The following KCNJ6 variants were observed in gnomAD, a reference collection of about 807,000 sequenced individuals.
KCNJ6 encodes G protein-activated inward rectifier potassium channel 2.
In KCNJ6, 9 loss-of-function variants were observed where a neutral mutation model predicts 34.2. The observed-to-expected ratio is 0.26, with a 90% CI of 0.16 to 0.46. KCNJ6 has a LOEUF of 0.46. Among genes scored for constraint, KCNJ6 ranks in the 20% least tolerant of loss-of-function variants. The probability of loss-of-function intolerance (pLI) is 1.00; values close to 1 mark genes in which losing one functional copy is unlikely to be tolerated. For synonymous variants in KCNJ6, 196 were observed against 207.1 expected, an observed-to-expected ratio of 0.95 and a Z score of 0.46; for missense variants, 236 against 531.3, an observed-to-expected ratio of 0.44 and a Z score of 5.46.
chr21:37,791,724 G>A (rs939540328), intron 2 of KCNJ6, among the ~76,000 whole-genome samples: 2 of 152,178 alleles, frequency 1.3e-5, no homozygotes, highest in African/African-American at 4.8e-5. Flanking sequence ...AAATATGCCT[G>A]CCAGCATTGC....
chr21:37,801,260 C>T (rs974597385), intron 2 of KCNJ6, among the ~76,000 whole-genome samples: 1 of 152,126 alleles, frequency 6.6e-6, no homozygotes, highest in East Asian at 1.9e-4. Context: ...GTTTTGATAC[C>T]AGATGAACAT....
At chr21:37,749,077 C>T (rs903950201) in intron 2 of KCNJ6, among the ~76,000 whole-genome samples, 3 of 152,148 alleles carry the variant, frequency 2.0e-5, no homozygotes, top group African/African-American at 4.8e-5. Flanking sequence ...CACACCTATG[C>T]ATGCACACTT....
At chr21:37,721,245 A>C (rs1037845133) in intron 2 of KCNJ6, among the ~76,000 whole-genome samples, 1 of 152,238 alleles carries the variant, frequency 6.6e-6, no homozygotes, top group Non-Finnish European at 1.5e-5. Flanking sequence ...CACATCTATT[A>C]GATGGTTATT....
chr21:37,639,143 C>T (rs950842024), intron 3 of KCNJ6, among the ~76,000 whole-genome samples: 1 of 152,218 alleles, frequency 6.6e-6, no homozygotes, highest in Admixed American at 6.5e-5. Flanking sequence ...AAAATTCTAC[C>T]TAATAGAACA....
intron 1 of KCNJ6, among the ~76,000 whole-genome samples, chr21:37,854,527 T>C (rs1013476594): frequency 2.0e-5 from 3 of 152,202 alleles, no homozygotes; most frequent in Non-Finnish European, 4.4e-5. Flanking sequence ...TTGGTTAGTG[T>C]ATACAAAAAT....
intron 2 of KCNJ6, among the ~76,000 whole-genome samples, chr21:37,733,064 A>C (rs2054894182): frequency 6.6e-6 from 1 of 152,080 alleles, no homozygotes; most frequent in Non-Finnish European, 1.5e-5. Flanking sequence ...TTTAATGCAC[A>C]CTCTATAGAC....
chr21:37,788,985 G>T (rs2055204702), intron 2 of KCNJ6, among the ~76,000 whole-genome samples: 1 of 152,170 alleles, frequency 6.6e-6, no homozygotes, highest in Admixed American at 6.5e-5. Context: ...TCATCGAAAA[G>T]ATTGAAGCTT....
intron 1 of KCNJ6, among the ~76,000 whole-genome samples, chr21:37,864,407 G>T (rs540243114): frequency 6.6e-6 from 1 of 152,116 alleles, no homozygotes; most frequent in East Asian, 1.9e-4. Context: ...CACCATGGCC[G>T]GCCAGGAATA....
intron 3 of KCNJ6, among the ~76,000 whole-genome samples, chr21:37,649,149 A>AC (rs2054420350): frequency 1.3e-5 from 2 of 150,278 alleles, no homozygotes; most frequent in Admixed American, 1.3e-4. Context: ...AAAAAAAAAA[A>AC]AAAAAGAAAG....
At position 37,714,126 on chromosome 21, in the gene KCNJ6, T is replaced by C. The variant is rs554878982; in HGVS notation, c.946+85A>G. On this transcript the variant is annotated intron_variant, in intron 3 of 3. Coordinates refer to ENST00000609713, the MANE Select transcript of KCNJ6 (RefSeq NM_002240.5). This position sits in a 1 kb window ranked among gnomAD's most constrained non-coding sequence, Gnocchi z 5.9. Reference sequence around the variant, plus strand: ...CAATATTGAGTGAGGTTCAGTATTCTAGATCTTGTAATAGATAAGAACATC... The same window carrying C: ...CAATATTGAGTGAGGTTCAGTATTCCAGATCTTGTAATAGATAAGAACATC... 1 of 970,052 alleles carries C rather than the reference T, an allele frequency of 1.0e-6. No individual in the cohort carries two copies. Among genetic ancestry groups the C allele is most frequent in the East Asian group, 2.4e-5 (1 of 41,860 alleles). 60.1% of individuals were successfully genotyped at this position (970,052 alleles called of 1,614,324 possible).
At chr21:37,693,163 C>G (rs1363286275) in intron 3 of KCNJ6, among the ~76,000 whole-genome samples, 1 of 152,170 alleles carries the variant, frequency 6.6e-6, no homozygotes, top group Non-Finnish European at 1.5e-5. Context: ...GTTTAAATGT[C>G]TTAATTTTTC....
chr21:37,912,441 TATTAGAGAAATTGA>T, intron 1 of KCNJ6, among the ~76,000 whole-genome samples: 1 of 152,302 alleles, frequency 6.6e-6, no homozygotes, highest in Non-Finnish European at 1.5e-5. Context: ...CTTTTTAATT[TATTAGAGAAATTGA>T]ACTTTAGAAC....
chr21:37,907,297 G>T (rs1731800577), intron 1 of KCNJ6, among the ~76,000 whole-genome samples: 1 of 152,178 alleles, frequency 6.6e-6, no homozygotes, highest in Admixed American at 6.5e-5. Flanking sequence ...ATAGACACAA[G>T]GTTCGTGTAG....
intron 2 of KCNJ6, among the ~76,000 whole-genome samples, chr21:37,774,550 T>C (rs2055133049): frequency 6.8e-6 from 1 of 148,072 alleles, no homozygotes; most frequent in Non-Finnish European, 1.5e-5. Flanking sequence ...CCTTCCTGTG[T>C]CCATGTGTTC....
chr21:37,794,186 A>G (rs1268275995), intron 2 of KCNJ6, among the ~76,000 whole-genome samples: 3 of 152,042 alleles, frequency 2.0e-5, no homozygotes, highest in Non-Finnish European at 2.9e-5. Context: ...TCTCTACTTC[A>G]CTGTTTTAAA....
chr21:37,837,839 A>C (rs2055459701), intron 2 of KCNJ6, among the ~76,000 whole-genome samples: 1 of 151,712 alleles, frequency 6.6e-6, no homozygotes, highest in Non-Finnish European at 1.5e-5. Flanking sequence ...TATGTATTTC[A>C]TTGTAGATTT....
At chr21:37,808,897 A>G (rs571401149) in intron 2 of KCNJ6, among the ~76,000 whole-genome samples, 2 of 152,328 alleles carry the variant, frequency 1.3e-5, no homozygotes, top group African/African-American at 4.8e-5. Context: ...GATGTGGAGA[A>G]ATAGAAACAC....
intron 3 of KCNJ6, among the ~76,000 whole-genome samples, chr21:37,672,339 T>A (rs1348156976): frequency 6.6e-6 from 1 of 151,748 alleles, no homozygotes; most frequent in African/African-American, 2.4e-5. Flanking sequence ...GGGCCTGAAA[T>A]GTGGTGGACA....
intron 3 of KCNJ6, among the ~76,000 whole-genome samples, chr21:37,670,087 T>C (rs2054534811): frequency 6.6e-6 from 1 of 152,230 alleles, no homozygotes; most frequent in African/African-American, 2.4e-5. Flanking sequence ...CATGTATATA[T>C]CTAGTTGTCC....
Sources: gnomAD v4.1 joint callset for allele counts (sites outside exome capture counted in the v4.1 genomes callset) on GRCh38, gnomAD v4.1.1 for gene constraint, Gnocchi (gnomAD v3.1) non-coding constraint, MANE v1.5 for transcripts, NCBI Gene and HGNC (gene_info 2026-07-23, HGNC 2026-07-21) for gene names.